NIN: variants seen among roughly 807,000 people sequenced by gnomAD.
NIN encodes glycogen synthase kinase 3 beta-interacting protein.
NIN carries 137 observed loss-of-function variants against 257.6 expected under a neutral mutation model. The observed-to-expected ratio is 0.53, with a 90% CI of 0.46 to 0.61. NIN has a LOEUF of 0.61. Among genes scored for constraint, NIN ranks in the 20% least tolerant of loss-of-function variants. The pLI, the probability that NIN is intolerant of heterozygous loss-of-function variation, is 0.00. For missense variants in NIN, 2,439 were observed against 2,501.2 expected (o/e 0.98, Z 0.53); for synonymous variants, 918 against 919.8 (o/e 1.00, Z 0.04).
Position 50,763,752 on chromosome 14 carries a change from G to C in NIN, c.1774+74C>G, listed in dbSNP as rs1240393549. 8.0e-6 allele frequency: 10 copies of C among 1,242,242 alleles called. No individual in the cohort carries two copies. The African/African-American group carries it at 1.4e-4, about 17-fold the overall frequency. The allele number at this position is 1,242,242 out of a possible 1,614,324, so 77.0% of individuals were successfully genotyped here. On this transcript the variant is annotated intron_variant, in intron 15 of 30. Transcript: ENST00000530997. The stretch of plus-strand genomic sequence containing the variant: ...TCTTTTTTCAAGTTGCCAAAGCTTT[G>C]CAATTTTATATTGAACCACGTTTCT...
At chr14:50,805,260 T>C (rs564972762) in intron 4 of NIN, among the ~76,000 whole-genome samples, 1 of 152,264 alleles carries the variant, frequency 6.6e-6, no homozygotes, top group East Asian at 1.9e-4. Flanking sequence ...GTCATCAAGA[T>C]GACAGACAAC....
chr14:50,828,102 C>A (rs202166359), intron 2 of NIN, among the ~76,000 whole-genome samples: 155 of 138,272 alleles, frequency 1.1e-3, no homozygotes, highest in Middle Eastern at 7.6e-3. Flanking sequence ...ATGTTTGTTA[C>A]AAAAAAAAAA....
At chr14:50,809,113 T>C (rs934126329) in intron 3 of NIN, among the ~76,000 whole-genome samples, 3 of 152,068 alleles carry the variant, frequency 2.0e-5, no homozygotes, top group Non-Finnish European at 4.4e-5. Context: ...CTAAGCTACT[T>C]GGGAGACTGA....
intron 5 of NIN, among the ~76,000 whole-genome samples, chr14:50,781,432 G>T (rs1445486055): frequency 6.6e-6 from 1 of 152,192 alleles, no homozygotes; most frequent in African/African-American, 2.4e-5. Context: ...TTACTTCTCA[G>T]TTCATTTGAA....
chr14:50,767,126 G>A (rs148420052), intron 12 of NIN, among the ~76,000 whole-genome samples: 3 of 152,304 alleles, frequency 2.0e-5, no homozygotes, highest in African/African-American at 7.2e-5. Context: ...TCCAAAACAG[G>A]TAGCTGCTAG....
chr14:50,820,358 G>A (rs1213623819), intron 3 of NIN, among the ~76,000 whole-genome samples: 1 of 152,212 alleles, frequency 6.6e-6, no homozygotes, highest in African/African-American at 2.4e-5. Flanking sequence ...TGCTGCCAAG[G>A]TGCAGTCTGT....
Position 50,721,220 on chromosome 14 carries a change from G to A in NIN, c.*2243C>T, listed in dbSNP as rs988259221. ...TGAGAAATTAAGCACCTAGATGTTG[G>A]TTAAATTCATTTGAGCAGCATTTTG... is the stretch of plus-strand genomic sequence containing the variant. On this transcript the variant is annotated 3_prime_UTR_variant, in exon 31 of 31. Coordinates refer to ENST00000530997, the MANE Select transcript of NIN (RefSeq NM_020921.4). 4.9e-6 allele frequency: 1 copy of A among 202,572 alleles called. No homozygotes were observed. Among genetic ancestry groups the A allele is most frequent in the South Asian group, 1.9e-4 (1 of 5,276 alleles). 12.5% of individuals were successfully genotyped at this position (202,572 alleles called of 1,614,324 possible).
rs1257525267 is a variant in NIN, at chr14:50,748,206, A to AC, written c.4951-102dup. On this transcript the variant is annotated intron_variant, in intron 21 of 30. Coordinates refer to ENST00000530997, the MANE Select transcript of NIN (RefSeq NM_020921.4). Reference sequence around the variant, plus strand: ...CCATATTAAGGAAACAGTAATATGAACTCAATGACACTGTTTTATGACCAT... The same window carrying AC: ...CCATATTAAGGAAACAGTAATATGAACCTCAATGACACTGTTTTATGACCAT... The AC allele has an allele frequency of 3.1e-4, 206 of 663,622 alleles. No individual in the cohort carries two copies. In the African/African-American group the frequency reaches 3.3e-3, roughly 10 times the overall value. 41.1% of individuals were successfully genotyped at this position (663,622 alleles called of 1,614,324 possible).
intron 5 of NIN, 35 bp downstream of exon 5, chr14:50,792,677 A>G (rs1250704449): frequency 7.4e-6 from 12 of 1,612,902 alleles, no homozygotes; most frequent in Non-Finnish European, 8.5e-6. Context: ...CTCCACACTC[A>G]TGATCCAGAT....
In NIN at chr14:50,777,083, G is replaced by T; in HGVS notation, c.532C>A (p.Pro178Thr). 6.2e-7 allele frequency: 1 copy of T among 1,614,092 alleles called. No individual in the cohort carries two copies. The highest frequency in any genetic ancestry group is 8.5e-7 in the Non-Finnish European group (1 of 1,179,976). Residue 178 changes from proline (P) to threonine (T), a missense_variant, in exon 7 of 31, where the codon CCT (proline) becomes ACT (threonine). By Grantham distance (38) the Pro-to-Thr change is conservative. Transcript: ENST00000530997. ...TTCTCTTCTATCCAGTCTTGGGGAG[G>T]GGAAGATCCACTCTGTGAAGCATTC... ...DLNASQSGSS[P>T]PQDWIEEKLQ... is the part of the protein sequence containing the mutation.
rs184827028 is a variant in NIN at position 50,791,239 on chromosome 14, A to T, written c.435+1473T>A. Among the ~76,000 whole-genome samples the T allele has an allele frequency of 3.8e-3, 583 of 152,318 alleles. 6 individuals are homozygous for T. Among genetic ancestry groups the T allele is most frequent in the African/African-American group, 0.013 (547 of 41,560 alleles). ...ACACTGTACTAACTGAAGTATGTAAATTACTTGCATCCCTGAGATTGTATA... is the reference window on the plus strand; with the variant it reads ...ACACTGTACTAACTGAAGTATGTAATTTACTTGCATCCCTGAGATTGTATA... On this transcript the variant is annotated intron_variant, in intron 5 of 30. Coordinates refer to ENST00000530997, the MANE Select transcript of NIN (RefSeq NM_020921.4).
intron 26 of NIN, among the ~76,000 whole-genome samples, chr14:50,738,585 C>A (rs2041118183): frequency 6.6e-6 from 1 of 152,180 alleles, no homozygotes; most frequent in South Asian, 2.1e-4. Context: ...AAAACAGGCA[C>A]AGTGGTCCCA....
At chr14:50,802,071 C>T (rs576430291) in intron 4 of NIN, among the ~76,000 whole-genome samples, 1 of 152,182 alleles carries the variant, frequency 6.6e-6, no homozygotes, top group Non-Finnish European at 1.5e-5. Context: ...ATCCTATAAT[C>T]CAAAGCCACG....
chr14:50,754,921 G>C (rs2041955839), intron 18 of NIN, 54 bp from the exon 19 acceptor site: 7 of 1,288,982 alleles, frequency 5.4e-6, no homozygotes, highest in Non-Finnish European at 7.5e-6. Flanking sequence ...TGGCATCTTT[G>C]GAAAATATTT....
intron 3 of NIN, among the ~76,000 whole-genome samples, chr14:50,813,690 C>T (rs2044747235): frequency 6.6e-6 from 1 of 152,182 alleles, no homozygotes; most frequent in Admixed American, 6.5e-5. Flanking sequence ...AAACTCATCT[C>T]GTGCAATCAT....
Position 50,758,238 on chromosome 14 carries a change from C to CTT in NIN, c.2790_2791dup (p.Ser931LysfsTer11). The CTT allele has an allele frequency of 6.2e-7, 1 of 1,614,172 alleles. No homozygotes were observed. Among genetic ancestry groups the CTT allele is most frequent in the Non-Finnish European group, 8.5e-7 (1 of 1,180,024 alleles). ...CTCAAGTATCTGGTCAGACAGCAGG[C>CTT]TTTGCTGGGTTTCAGATACATTTCT... On this transcript the variant is annotated frameshift_variant, in exon 18 of 31. Coordinates refer to ENST00000530997, the MANE Select transcript of NIN (RefSeq NM_020921.4). LOFTEE classifies it high-confidence loss of function.
chr14:50,782,686 A>AC (rs1213521430), intron 5 of NIN, among the ~76,000 whole-genome samples: 2 of 152,194 alleles, frequency 1.3e-5, no homozygotes, highest in African/African-American at 4.8e-5. Context: ...TACAACTCTC[A>AC]CTATTTATTT....
intron 18 of NIN, among the ~76,000 whole-genome samples, chr14:50,755,735 G>C (rs1460739557): frequency 7.1e-6 from 1 of 141,138 alleles, no homozygotes; most frequent in Non-Finnish European, 1.5e-5. Context: ...CATGATCATG[G>C]CTCACTGCAG....
At chr14:50,739,160 G>A in intron 26 of NIN, 148 bp downstream of exon 26, 1 of 620,894 alleles carries the variant, frequency 1.6e-6, no homozygotes, top group Non-Finnish European at 2.7e-6. Context: ...GTGAGTAAAT[G>A]ATAAATGATA....
Sources: allele counts gnomAD v4.1 joint callset (sites outside exome capture counted in the v4.1 genomes callset), GRCh38; gene constraint gnomAD v4.1.1; transcripts MANE v1.5; gene names NCBI Gene and HGNC (gene_info 2026-07-23, HGNC 2026-07-21).